Variants in FBXL13 observed in about 807,000 individuals in gnomAD.
The protein encoded by FBXL13 is F-box and leucine rich repeat protein 13.
FBXL13 carries 67 observed loss-of-function variants against 83.6 expected under a neutral mutation model. The observed-to-expected ratio is 0.80, with a 90% confidence interval of 0.66 to 0.98. FBXL13 has a LOEUF of 0.98. FBXL13 is among the 50% of genes least tolerant of loss of function. The pLI, the probability that FBXL13 is intolerant of heterozygous loss-of-function variation, is 0.00. For missense variants in FBXL13, 822 were observed against 866.5 expected (o/e 0.95, Z 0.64); for synonymous variants, 272 against 299.5 (o/e 0.91, Z 0.95).
chr7:103,063,188 T>G (rs756436151), intron 1 of FBXL13, among the ~76,000 whole-genome samples: 1 of 152,198 alleles, frequency 6.6e-6, no homozygotes, highest in African/African-American at 2.4e-5. Flanking sequence ...AGGTTGGCCT[T>G]CTATATCCAT....
At chr7:102,919,890 G>GA (rs1375264298) in intron 10 of FBXL13, among the ~76,000 whole-genome samples, 3 of 151,990 alleles carry the variant, frequency 2.0e-5, no homozygotes, top group African/African-American at 4.8e-5. Flanking sequence ...TAAGCTGTGA[G>GA]AAAAAAAGAC....
intron 8 of FBXL13, among the ~76,000 whole-genome samples, chr7:102,951,805 C>CAAA (rs5886239): frequency 2.2e-4 from 19 of 88,070 alleles, no homozygotes; most frequent in East Asian, 1.2e-3. Context: ...ACTCTCTCTC[C>CAAA]AAAAAAAAAA....
intron 17 of FBXL13, among the ~76,000 whole-genome samples, chr7:102,844,573 A>T (rs1803596178): frequency 6.6e-6 from 1 of 152,152 alleles, no homozygotes; most frequent in South Asian, 2.1e-4. Context: ...ATGCCATATT[A>T]AAAAAACTGT....
At chr7:103,035,542 A>G (rs1244707855) in intron 2 of FBXL13, among the ~76,000 whole-genome samples, 8 of 152,248 alleles carry the variant, frequency 5.3e-5, no homozygotes, top group Non-Finnish European at 1.2e-4. Context: ...TAATATAAGT[A>G]GTAATTGATC....
chr7:102,878,688 C>T (rs1014606219), intron 14 of FBXL13, among the ~76,000 whole-genome samples: 2 of 152,056 alleles, frequency 1.3e-5, no homozygotes, highest in Non-Finnish European at 2.9e-5. Context: ...TTCCTTTGTT[C>T]ATAATTTTTA....
At chr7:102,927,387 C>T (rs1467871929) in intron 9 of FBXL13, among the ~76,000 whole-genome samples, 1 of 152,148 alleles carries the variant, frequency 6.6e-6, no homozygotes, top group Non-Finnish European at 1.5e-5. Context: ...AGATGTGGTT[C>T]TGAGAAGAAT....
At chr7:102,893,899 A>G (rs1293809672) in intron 11 of FBXL13, among the ~76,000 whole-genome samples, 4 of 149,730 alleles carry the variant, frequency 2.7e-5, no homozygotes, top group Non-Finnish European at 4.5e-5. Flanking sequence ...GAGAGGAAGG[A>G]AGGGAGGGAG....
chr7:102,918,078 G>C (rs1279988121), intron 10 of FBXL13, among the ~76,000 whole-genome samples: 1 of 152,136 alleles, frequency 6.6e-6, no homozygotes, highest in Non-Finnish European at 1.5e-5. Flanking sequence ...AATACTAAAA[G>C]CAATGAAGAG....
At chr7:102,921,976 A>C (rs1817122529) in intron 10 of FBXL13, among the ~76,000 whole-genome samples, 1 of 152,116 alleles carries the variant, frequency 6.6e-6, no homozygotes, top group South Asian at 2.1e-4. Flanking sequence ...GGATCACTTG[A>C]GGTCAAGAGT....
At chr7:103,043,677 A>C in intron 2 of FBXL13, among the ~76,000 whole-genome samples, 1 of 151,748 alleles carries the variant, frequency 6.6e-6, no homozygotes, top group East Asian at 1.9e-4. Flanking sequence ...ATGCCCAACT[A>C]ATTTTTTTGC....
At chr7:102,955,225 A>ACTGAATGGGCAAAATTT (rs1372318118) in intron 8 of FBXL13, among the ~76,000 whole-genome samples, 2 of 152,226 alleles carry the variant, frequency 1.3e-5, no homozygotes, top group Non-Finnish European at 1.5e-5. Context: ...ATTAGAACTC[A>ACTGAATGGGCAAAATTT]GGATTAACAA....
At chr7:102,906,978 T>C (rs957541183) in intron 11 of FBXL13, among the ~76,000 whole-genome samples, 1 of 152,096 alleles carries the variant, frequency 6.6e-6, no homozygotes, top group South Asian at 2.1e-4. Context: ...GTTTTTGTTT[T>C]TTTTGGTTTT....
At chr7:102,916,151 T>C (rs778914289) in intron 10 of FBXL13, among the ~76,000 whole-genome samples, 14 of 151,842 alleles carry the variant, frequency 9.2e-5, no homozygotes, top group Non-Finnish European at 2.1e-4. Context: ...GCCTGGCTAA[T>C]TTTTTTTGTA....
intron 19 of FBXL13, among the ~76,000 whole-genome samples, chr7:102,818,598 A>C (rs1017165802): frequency 6.6e-6 from 1 of 152,176 alleles, no homozygotes; most frequent in Non-Finnish European, 1.5e-5. Flanking sequence ...GATCTCCTAG[A>C]ATGCCTGAGC....
chr7:102,838,029 G>A (rs1802299470), intron 17 of FBXL13, among the ~76,000 whole-genome samples: 1 of 152,182 alleles, frequency 6.6e-6, no homozygotes, highest in Non-Finnish European at 1.5e-5. Flanking sequence ...CAGGAGTGAG[G>A]AGAATGAGCT....
chr7:102,986,708 C>T (rs1285941176), intron 6 of FBXL13, among the ~76,000 whole-genome samples: 1 of 152,056 alleles, frequency 6.6e-6, no homozygotes, highest in Non-Finnish European at 1.5e-5. Flanking sequence ...TGGGTGGGGA[C>T]ATGCAGCAGA....
At chr7:103,038,531 T>C (rs570482862) in intron 2 of FBXL13, among the ~76,000 whole-genome samples, 1 of 152,330 alleles carries the variant, frequency 6.6e-6, no homozygotes, top group South Asian at 2.1e-4. Context: ...CTGACCCCCA[T>C]GTAGCCTGAC....
chr7:102,899,152 T>C (rs1460164321), intron 11 of FBXL13, among the ~76,000 whole-genome samples: 1 of 152,070 alleles, frequency 6.6e-6, no homozygotes, highest in Non-Finnish European at 1.5e-5. Context: ...TGACCTCAAG[T>C]GATCTGTCCA....
downstream of FBXL13, among the ~76,000 whole-genome samples, chr7:102,812,005 TTTATC>T (rs1238556621): frequency 3.9e-5 from 6 of 152,374 alleles, no homozygotes; most frequent in Non-Finnish European, 5.9e-5. Context: ...ATAACGATGC[TTTATC>T]TTAAGTTTTT....
Sources: gnomAD v4.1 joint callset for allele counts (sites outside exome capture counted in the v4.1 genomes callset) on GRCh38, gnomAD v4.1.1 for gene constraint, MANE v1.5 for transcripts, NCBI Gene and HGNC (gene_info 2026-07-23, HGNC 2026-07-21) for gene names.